The following SREK1IP1 variants were observed in gnomAD, a reference collection of about 807,000 sequenced individuals.
SREK1IP1 encodes protein SREK1IP1.
SREK1IP1 carries 12 observed loss-of-function variants against 22.8 expected under a neutral mutation model. That is an observed-to-expected ratio of 0.53 (90% CI 0.34 to 0.85). SREK1IP1 has a LOEUF of 0.85. SREK1IP1 is among the 40% of genes least tolerant of loss of function. The pLI is 0.02. For synonymous variants in SREK1IP1, 53 were observed against 52.7 expected, an observed-to-expected ratio of 1.01 and a Z score of -0.02; for missense variants, 147 against 171.8, an observed-to-expected ratio of 0.86 and a Z score of 0.81.
chr5:64,737,653 T>G (rs939478439), intron 3 of SREK1IP1, among the ~76,000 whole-genome samples: 4 of 148,354 alleles, frequency 2.7e-5, no homozygotes, highest in African/African-American at 9.9e-5. Context: ...AGCTTTTTAA[T>G]AAAAAGATAA....
chr5:64,726,151 G>A (rs1487714738), intron 4 of SREK1IP1, among the ~76,000 whole-genome samples: 2 of 151,984 alleles, frequency 1.3e-5, no homozygotes, highest in Non-Finnish European at 2.9e-5. Context: ...GATTATAGGA[G>A]TGAGCCACCG....
chr5:64,744,811 G>T (rs766090338), intron 2 of SREK1IP1, among the ~76,000 whole-genome samples: 1 of 152,154 alleles, frequency 6.6e-6, no homozygotes, highest in Non-Finnish European at 1.5e-5. Context: ...ACAGGAAGCC[G>T]TGTAAATTCA....
intron 3 of SREK1IP1, among the ~76,000 whole-genome samples, chr5:64,736,507 G>C (rs1052217971): frequency 6.6e-6 from 1 of 151,588 alleles, no homozygotes. Flanking sequence ...TGTTGCTCAG[G>C]CTGGAATGCA....
chr5:64,755,549 G>C (rs946092621), intron 1 of SREK1IP1, among the ~76,000 whole-genome samples: 1 of 152,024 alleles, frequency 6.6e-6, no homozygotes, highest in Non-Finnish European at 1.5e-5. Context: ...CAGATACTGG[G>C]GACCATTGGG....
chr5:64,755,405 C>CAGCAA (rs1276023283), intron 1 of SREK1IP1, among the ~76,000 whole-genome samples: 3 of 152,148 alleles, frequency 2.0e-5, no homozygotes, highest in Admixed American at 2.0e-4. Context: ...ACATCCTTTG[C>CAGCAA]AGCAACATGG....
intron 1 of SREK1IP1, chr5:64,754,678 G>A (rs1274552196): frequency 6.8e-5 from 15 of 220,882 alleles, no homozygotes; most frequent in South Asian, 2.5e-4. Context: ...TTGCCCAGGC[G>A]ATCTCAAACT....
intron 3 of SREK1IP1, 145 bp from the exon 4 acceptor site, chr5:64,728,324 T>A: frequency 1.2e-6 from 1 of 810,644 alleles, no homozygotes; most frequent in South Asian, 4.8e-5. Flanking sequence ...CTTTCTTAAT[T>A]ATCTTTATCC....
rs1742225723 is a variant in SREK1IP1, at chr5:64,724,349, AT to A, written c.*34del. ...AAGGGCAAACACGTTTTAAAAACAA[AT>A]TTTTAAATTTAACGGCTTAAGCCAA... is the stretch of plus-strand genomic sequence containing the variant. On this transcript the variant is annotated 3_prime_UTR_variant, in exon 5 of 5. Transcript: ENST00000513458. 3.4e-6 allele frequency: 5 copies of A among 1,483,860 alleles called. No homozygotes were observed. Among genetic ancestry groups the A allele is most frequent in the Non-Finnish European group, 4.5e-6 (5 of 1,117,328 alleles). 91.9% of individuals were successfully genotyped at this position (1,483,860 alleles called of 1,614,324 possible). A position where few individuals can be genotyped will look rare whatever the true frequency, so the allele number is the denominator to read the frequency against.
At position 64,720,158 on chromosome 5, in the gene SREK1IP1, CAA is replaced by C. The variant is rs1361126086; in HGVS notation, c.*4224_*4225del. On this transcript the variant is annotated 3_prime_UTR_variant, in exon 5 of 5. Transcript: ENST00000513458. ...TTCTAAATGGTTTATTCGGACCTAA[CAA>C]ATATTAAAATAGTGATAGAATTTAA... 6.6e-6 allele frequency: 1 copy of C among 152,156 alleles called. No homozygotes were observed. The highest frequency in any genetic ancestry group is 2.4e-5 in the African/African-American group (1 of 41,418). 9.4% of individuals were successfully genotyped at this position (152,156 alleles called of 1,614,324 possible). A position where few individuals can be genotyped will look rare whatever the true frequency, so the allele number is the denominator to read the frequency against.
intron 1 of SREK1IP1, among the ~76,000 whole-genome samples, chr5:64,757,501 T>C (rs1580557160): frequency 6.6e-6 from 1 of 152,352 alleles, no homozygotes; most frequent in East Asian, 1.9e-4. Flanking sequence ...TTGAGCATAA[T>C]GTGATTTTCA....
intron 1 of SREK1IP1, chr5:64,765,198 A>AGAAATAT (rs1347907200): frequency 3.9e-5 from 6 of 152,228 alleles, no homozygotes; most frequent in Non-Finnish European, 5.9e-5. Flanking sequence ...TTTCTATAAT[A>AGAAATAT]ACAACTAAGA....
rs1742208484 is a variant in SREK1IP1 at position 64,723,496 on chromosome 5, T to A, written c.*888A>T. On this transcript the variant is annotated 3_prime_UTR_variant, in exon 5 of 5. Transcript: ENST00000513458. The stretch of plus-strand genomic sequence containing the variant: ...GAAACAAGCTTCATAAAATTTATAC[T>A]GAATACAATAAAAATCAGTTCTAAT... The A allele has an allele frequency of 6.6e-6, 1 of 152,626 alleles. No homozygotes were observed. Among genetic ancestry groups the A allele is most frequent in the Non-Finnish European group, 1.5e-5 (1 of 68,038 alleles). The allele number at this position is 152,626 out of a possible 1,614,324, so 9.5% of individuals were successfully genotyped here.
chr5:64,754,394 T>C, intron 1 of SREK1IP1, 32 bp from the exon 2 acceptor site: 2 of 1,596,964 alleles, frequency 1.3e-6, no homozygotes, highest in South Asian at 2.2e-5. Context: ...TTTTAGGAAG[T>C]AAATAAATAT....
intron 2 of SREK1IP1, 30 bp downstream of exon 2, chr5:64,754,285 G>A (rs1742799275): frequency 6.2e-7 from 1 of 1,609,922 alleles, no homozygotes; most frequent in South Asian, 1.1e-5. Flanking sequence ...TATGAATAAT[G>A]CAAAGCATGT....
At chr5:64,744,117 T>C (rs1742594248) in intron 2 of SREK1IP1, among the ~76,000 whole-genome samples, 1 of 152,018 alleles carries the variant, frequency 6.6e-6, no homozygotes, top group Non-Finnish European at 1.5e-5. Flanking sequence ...CTGGGGGCAT[T>C]CCACCAGAAA....
At position 64,720,114 on chromosome 5, in the gene SREK1IP1, T is replaced by A. The variant is rs962516464; in HGVS notation, c.*4270A>T. 6.6e-6 allele frequency: 1 copy of A among 152,308 alleles called. No individual in the cohort carries two copies. Among genetic ancestry groups the A allele is most frequent in the South Asian group, 2.1e-4 (1 of 4,828 alleles). 9.4% of individuals were successfully genotyped at this position (152,308 alleles called of 1,614,324 possible). ...AGGGGCCTTATTAAATTACAGCACA[T>A]TTTGTACACTGAAAAATATTCTAAA... On this transcript the variant is annotated 3_prime_UTR_variant, in exon 5 of 5. Transcript: ENST00000513458.
chr5:64,750,325 T>A (rs1487023095), intron 2 of SREK1IP1, among the ~76,000 whole-genome samples: 1 of 152,224 alleles, frequency 6.6e-6, no homozygotes, highest in East Asian at 1.9e-4. Context: ...ATTCCCTTAA[T>A]GCCTTCATTT....
chr5:64,751,243 C>T (rs1742735300), intron 2 of SREK1IP1, among the ~76,000 whole-genome samples: 1 of 152,192 alleles, frequency 6.6e-6, no homozygotes, highest in Non-Finnish European at 1.5e-5. Flanking sequence ...GCCATATTTT[C>T]CCGGTCACTT....
chr5:64,747,237 C>T (rs770564290), intron 2 of SREK1IP1, among the ~76,000 whole-genome samples: 2 of 152,178 alleles, frequency 1.3e-5, no homozygotes, highest in Non-Finnish European at 2.9e-5. Flanking sequence ...TCTCTAGCTC[C>T]TCATCCTTCT....
Sources: gnomAD v4.1 joint callset for allele counts (sites outside exome capture counted in the v4.1 genomes callset) on GRCh38, gnomAD v4.1.1 for gene constraint, MANE v1.5 for transcripts, NCBI Gene and HGNC (gene_info 2026-07-23, HGNC 2026-07-21) for gene names.